KAZN: variants seen among roughly 807,000 people sequenced by gnomAD.
The protein encoded by KAZN is kazrin.
A neutral mutation model predicts 87.4 loss-of-function variants in KAZN; 40 were observed. The observed-to-expected ratio is 0.46, with a 90% CI of 0.36 to 0.60. KAZN has a LOEUF of 0.60. KAZN is among the 20% of genes least tolerant of loss of function. The probability of loss-of-function intolerance (pLI) is 0.00; values close to 1 mark genes in which losing one functional copy is unlikely to be tolerated. For missense variants in KAZN, 898 were observed against 1,073.9 expected (o/e 0.84, Z 2.29); for synonymous variants, 466 against 458.3 (o/e 1.02, Z -0.22).
At chr1:15,015,177 G>A (rs998054721) in intron 2 of KAZN, among the ~76,000 whole-genome samples, 4 of 147,408 alleles carry the variant, frequency 2.7e-5, no homozygotes, top group East Asian at 1.9e-4. Context: ...TATTTGAGAC[G>A]GAGTCTCACT....
At chr1:14,520,932 C>T (rs1671552978) in intron 2 of KAZN, among the ~76,000 whole-genome samples, 1 of 152,160 alleles carries the variant, frequency 6.6e-6, no homozygotes, top group Non-Finnish European at 1.5e-5. Context: ...GGCAGGTTCC[C>T]CTAAGGCATT....
At chr1:14,727,640 A>G (rs921608614) in intron 1 of KAZN, among the ~76,000 whole-genome samples, 5 of 150,770 alleles carry the variant, frequency 3.3e-5, no homozygotes, top group Non-Finnish European at 7.4e-5. Context: ...CTAATTTTGT[A>G]TTTTTAGTAG....
At chr1:14,229,666 A>G (rs935053940) in intron 2 of KAZN, among the ~76,000 whole-genome samples, 2 of 152,228 alleles carry the variant, frequency 1.3e-5, no homozygotes. Context: ...TTCACCTAAC[A>G]TCAGTCATCA....
chr1:14,065,139 C>T (rs555710478), intron 1 of KAZN, among the ~76,000 whole-genome samples: 11 of 152,312 alleles, frequency 7.2e-5, no homozygotes, highest in African/African-American at 2.6e-4. Context: ...GACAACACAA[C>T]ACCTTGGGTA....
At chr1:14,149,090 C>T (rs2359949) in intron 1 of KAZN, among the ~76,000 whole-genome samples, 29,059 of 101,638 alleles carry the variant, frequency 0.29, 4,982 homozygotes, top group Middle Eastern at 0.32. Flanking sequence ...TTCCTTCCTT[C>T]CTTTCTTTCT....
At chr1:14,140,379 G>A (rs1297452476) in intron 1 of KAZN, among the ~76,000 whole-genome samples, 4 of 151,962 alleles carry the variant, frequency 2.6e-5, no homozygotes, top group Admixed American at 6.6e-5. Context: ...AAAGTGCTTC[G>A]CAGGTGTAAT....
intron 1 of KAZN, among the ~76,000 whole-genome samples, chr1:14,947,252 G>A (rs1247206726): frequency 6.6e-6 from 1 of 152,216 alleles, no homozygotes; most frequent in Non-Finnish European, 1.5e-5. Flanking sequence ...CTCTTGGGGT[G>A]TTGGTAATTT....
At chr1:14,564,735 C>G (rs1487007519) in intron 2 of KAZN, among the ~76,000 whole-genome samples, 1 of 151,948 alleles carries the variant, frequency 6.6e-6, no homozygotes, top group African/African-American at 2.4e-5. Context: ...ATTGCTTGAA[C>G]CTGGGCAGCA....
intron 2 of KAZN, among the ~76,000 whole-genome samples, chr1:14,276,160 G>GGGGTGT (rs1322308830): frequency 1.8e-4 from 25 of 135,786 alleles, no homozygotes; most frequent in South Asian, 4.9e-4. Flanking sequence ...TCGCTATAAG[G>GGGGTGT]GTGTGTGTGT....
intron 1 of KAZN, among the ~76,000 whole-genome samples, chr1:14,886,566 C>T (rs181113466): frequency 2.4e-4 from 37 of 152,142 alleles, no homozygotes; most frequent in South Asian, 8.3e-4. Context: ...CTGAGGCAGG[C>T]GGATCACCTG....
intron 1 of KAZN, among the ~76,000 whole-genome samples, chr1:13,914,125 A>G (rs1639755218): frequency 6.6e-6 from 1 of 152,236 alleles, no homozygotes; most frequent in Non-Finnish European, 1.5e-5. Context: ...ATAGGGATGG[A>G]GAACCAAATC....
rs376788194 is a variant in KAZN, at chr1:14,828,442, G to A, written c.227-132242G>A. Among the ~76,000 whole-genome samples, 11 of 152,084 alleles carry A rather than the reference G, an allele frequency of 7.2e-5. No homozygotes were observed. In the East Asian group the frequency reaches 7.7e-4, roughly 11 times the overall value. ...TATCGATCAATTGGATGAAATAATCGCTACAATCACTGGATAATTAGATCC... is the reference window on the plus strand; with the variant it reads ...TATCGATCAATTGGATGAAATAATCACTACAATCACTGGATAATTAGATCC... On this transcript the variant is annotated intron_variant, in intron 1 of 14. Transcript: ENST00000376030.
chr1:14,784,461 C>A (rs1645445014), intron 1 of KAZN, among the ~76,000 whole-genome samples: 2 of 152,182 alleles, frequency 1.3e-5, no homozygotes, highest in Non-Finnish European at 2.9e-5. Context: ...ATAAGCAGCA[C>A]CCAAAGTCAC....
At chr1:14,283,024 A>C (rs1048609006) in intron 2 of KAZN, among the ~76,000 whole-genome samples, 5 of 152,346 alleles carry the variant, frequency 3.3e-5, no homozygotes, top group South Asian at 2.1e-4. Context: ...GGTGACTAAC[A>C]GAATGGAAGC....
At chr1:14,713,494 C>T (rs2100222972) in intron 1 of KAZN, among the ~76,000 whole-genome samples, 1 of 152,144 alleles carries the variant, frequency 6.6e-6, no homozygotes, top group East Asian at 1.9e-4. Context: ...TTTTGTCCCC[C>T]AGGAGACATC....
At chr1:14,233,719 CT>C (rs1281531770) in intron 2 of KAZN, among the ~76,000 whole-genome samples, 1 of 152,204 alleles carries the variant, frequency 6.6e-6, no homozygotes, top group African/African-American at 2.4e-5. Flanking sequence ...TTTTAAAGTA[CT>C]GGTCAGAAAA....
At chr1:14,960,298 G>A (rs1485769803) in intron 1 of KAZN, among the ~76,000 whole-genome samples, 1 of 152,134 alleles carries the variant, frequency 6.6e-6, no homozygotes, top group African/African-American at 2.4e-5. Flanking sequence ...GGTTATGATG[G>A]TCCCTGCATC....
At chr1:14,217,585 G>A (rs1339366) in intron 2 of KAZN, among the ~76,000 whole-genome samples, 15,383 of 151,838 alleles carry the variant, frequency 0.1, 1,721 homozygotes, top group African/African-American at 0.27. Flanking sequence ...TCCAACATAC[G>A]TATAATAAGG....
At chr1:14,703,946 G>C (rs941657921) in intron 1 of KAZN, among the ~76,000 whole-genome samples, 2 of 152,214 alleles carry the variant, frequency 1.3e-5, no homozygotes, top group Admixed American at 1.3e-4. Flanking sequence ...GGAAGCAAAA[G>C]GGCCAGGAGA....
Sources: gnomAD v4.1 joint callset for allele counts (sites outside exome capture counted in the v4.1 genomes callset) on GRCh38, gnomAD v4.1.1 for gene constraint, MANE v1.5 for transcripts, NCBI Gene and HGNC (gene_info 2026-07-23, HGNC 2026-07-21) for gene names.